Variants in COL20A1 observed in about 807,000 individuals in gnomAD.
COL20A1 encodes collagen alpha-1(XX) chain.
Under a neutral mutation model 152.9 loss-of-function variants are expected in COL20A1, and 164 were observed. The ratio of observed to expected loss-of-function variants is 1.07; its 90% CI spans 0.94 to 1.22. The LOEUF (loss-of-function observed/expected upper bound fraction) is 1.22. COL20A1 is among the 50% of genes most tolerant of loss of function. COL20A1 has a pLI of 0.00. For synonymous variants in COL20A1, 864 were observed against 756.0 expected, an observed-to-expected ratio of 1.14 and a Z score of -2.34; for missense variants, 1,873 against 1,744.8, an observed-to-expected ratio of 1.07 and a Z score of -1.31.
Position 63,308,661 on chromosome 20 carries a change from G to A in COL20A1, c.895G>A (p.Ala299Thr), listed in dbSNP as rs759620483. The part of the protein sequence containing the change: ...DGKSQDDVHT[A>T]ARVLKDLGVN... ...CAAGTCCCAGGACGATGTGCACACT[G>A]CTGCCCGTGTCCTCAAGGACCTGGG... is the stretch of plus-strand genomic sequence containing the variant. Residue 299 changes from alanine (A) to threonine (T), a missense_variant, in exon 8 of 36, where the codon GCT becomes ACT. Transcript: ENST00000358894. 1.7e-5 allele frequency: 28 copies of A among 1,607,522 alleles called. No individual in the cohort carries two copies. The highest frequency in any genetic ancestry group is 2.3e-5 in the Non-Finnish European group (27 of 1,177,592).
In COL20A1 at chr20:63,313,890, C is replaced by G; in HGVS notation, c.2357C>G (p.Ser786Cys). The G allele has an allele frequency of 6.2e-7, 1 of 1,600,180 alleles. No homozygotes were observed. The highest frequency in any genetic ancestry group is 8.5e-7 in the Non-Finnish European group (1 of 1,173,916). The change falls in exon 18 of 36, where the codon TCC becomes TGC. Residue 786 changes from serine to cysteine, a missense_variant and splice_region_variant. By Grantham distance (112) the Ser-to-Cys change is moderately radical. Transcript: ENST00000358894. This position sits in a 1 kb window ranked among gnomAD's most constrained non-coding sequence, Gnocchi z 5.9. The stretch of plus-strand genomic sequence containing the variant: ...GCCTCTGGCTTGGGACCCGAGAAAT[C>G]CGTGAGTCTTGGTAGAGCCTGAGGC... ...APASGLGPEK[S>C]VSVPGARSHV...
chr20:63,325,671 C>T lies in COL20A1; in HGVS notation c.3352C>T (p.His1118Tyr), dbSNP rs1167483038. 1.9e-6 allele frequency: 3 copies of T among 1,609,580 alleles called. No individual in the cohort carries two copies. The highest frequency in any genetic ancestry group is 2.2e-5 in the East Asian group (1 of 44,814). The change falls in exon 29 of 36, where the codon CAC becomes TAC. Residue 1118 changes from histidine to tyrosine, a missense_variant. His to Tyr is a moderately conservative substitution (Grantham distance 83). Transcript: ENST00000358894. ...CGGCCCCTCTGTTCTCTCCCAGGGC[C>T]ACCCCGGCCACCAGGGCATCCCCGG... ...GDHGLPGLQG[H>Y]PGHQGIPGRV...
chr20:63,321,225 A>T (rs966339186), intron 26 of COL20A1, 126 bp downstream of exon 26: 13 of 626,804 alleles, frequency 2.1e-5, no homozygotes, highest in African/African-American at 1.8e-4. Flanking sequence ...CAGAGTTGGG[A>T]TGTATTTCAT....
intron 31 of COL20A1, chr20:63,327,159 G>T: frequency 3.8e-6 from 1 of 265,776 alleles, no homozygotes; most frequent in Non-Finnish European, 7.1e-6. Flanking sequence ...ACTGCCCAGG[G>T]ACTTGTGTTT....
rs574848394 is a variant in COL20A1, at chr20:63,309,483, C to T, written c.1091C>T (p.Pro364Leu). 1.1e-4 allele frequency: 167 copies of T among 1,522,566 alleles called. 2 individuals carry two copies. The highest frequency in any genetic ancestry group is 9.6e-4 in the South Asian group (79 of 81,900). 94.3% of individuals were successfully genotyped at this position (1,522,566 alleles called of 1,614,324 possible). ...LICQRLQGGS[P>L]RQGPAAAPAL... Reference sequence around the variant, plus strand: ...TGCCAGAGGCTCCAGGGTGGGAGCCCGCGGCAGGGCCCAGGTGAGGGGCAG... The same window carrying T: ...TGCCAGAGGCTCCAGGGTGGGAGCCTGCGGCAGGGCCCAGGTGAGGGGCAG... Residue 364 changes from proline to leucine, a missense_variant, in exon 9 of 36, where the codon CCG becomes CTG. Physicochemically the swap from Pro to Leu is moderately conservative, Grantham distance 98 (BLOSUM62 -3). Coordinates refer to ENST00000358894, the MANE Select transcript of COL20A1 (RefSeq NM_020882.4).
At chr20:63,326,635 A>C in intron 30 of COL20A1, 117 bp from the exon 31 acceptor site, 1 of 632,970 alleles carries the variant, frequency 1.6e-6, no homozygotes, top group Non-Finnish European at 2.6e-6. Flanking sequence ...GGGGCCAGCC[A>C]GGCATCCACC....
Position 63,328,013 on chromosome 20 carries a change from C to T in COL20A1, c.3564+26C>T, listed in dbSNP as rs745380281. On this transcript the variant is annotated intron_variant, in intron 32 of 35. Coordinates refer to ENST00000358894, the MANE Select transcript of COL20A1 (RefSeq NM_020882.4). ...GTAAGTGAGGCTGAGATCTTTGGCT[C>T]ACTTGGGATCTCCTGGGAAGGCACC... 3.1e-6 allele frequency: 5 copies of T among 1,611,776 alleles called. No homozygotes were observed. The South Asian group carries it at 4.4e-5, about 14-fold the overall frequency.
rs1399135622 is a variant in COL20A1 at position 63,306,057 on chromosome 20, G to A, written c.496+18G>A. ...CACTCCTGGTGGGTCAGAGTGGAGA[G>A]AGAGTAAGTCTCCGGGGAGGGAGTG... is the stretch of plus-strand genomic sequence containing the variant. On this transcript the variant is annotated intron_variant, in intron 5 of 35. Transcript: ENST00000358894. The surrounding 1 kb of genome is among the most constrained non-coding windows in gnomAD (Gnocchi z 6.9). The A allele has an allele frequency of 3.2e-6, 5 of 1,580,392 alleles. No individual in the cohort carries two copies. The highest frequency in any genetic ancestry group is 3.4e-6 in the Non-Finnish European group (4 of 1,165,246).
chr20:63,327,868 A>C, intron 31 of COL20A1, 84 bp from the exon 32 acceptor site: 1 of 1,371,924 alleles, frequency 7.3e-7, no homozygotes, highest in Non-Finnish European at 1.0e-6. Context: ...CTGAGTGAGG[A>C]TCCACCTCAG....
chr20:63,309,696 G>A, intron 9 of COL20A1, 62 bp from the exon 10 acceptor site: 1 of 1,425,292 alleles, frequency 7.0e-7, no homozygotes, highest in Non-Finnish European at 9.4e-7. Context: ...GCCACCAGGG[G>A]GAGCGTGGAC....
intron 20 of COL20A1, among the ~76,000 whole-genome samples, chr20:63,315,939 C>T (rs976016187): frequency 6.6e-6 from 1 of 152,212 alleles, no homozygotes; most frequent in Non-Finnish European, 1.5e-5. Context: ...AATGGGATTT[C>T]GCCCTTCACT....
chr20:63,312,756 G>A (rs1884796250), intron 15 of COL20A1, 36 bp from the exon 16 acceptor site: 3 of 1,514,172 alleles, frequency 2.0e-6, no homozygotes, highest in South Asian at 2.5e-5. Context: ...CAGGCTCAGG[G>A]GCTACACCCC....
In COL20A1 at chr20:63,326,733, G is replaced by A; in HGVS notation, c.3457-19G>A. The A allele has an allele frequency of 7.0e-7, 1 of 1,425,018 alleles. No homozygotes were observed. The allele number at this position is 1,425,018 out of a possible 1,614,324, so 88.3% of individuals were successfully genotyped here. On this transcript the variant is annotated intron_variant, in intron 30 of 35. Transcript: ENST00000358894. ...TTGCTGGGGGCCCAAGCCAAACCCTGACTTCTGTGTCTATGCAGGGGTTCC... is the reference window on the plus strand; with the variant it reads ...TTGCTGGGGGCCCAAGCCAAACCCTAACTTCTGTGTCTATGCAGGGGTTCC...
intron 25 of COL20A1, 28 bp from the exon 26 acceptor site, chr20:63,320,985 C>G: frequency 6.6e-7 from 1 of 1,514,040 alleles, no homozygotes; most frequent in Non-Finnish European, 9.0e-7. Flanking sequence ...GAGGGTCTCT[C>G]TAATGGGCAG....
intron 34 of COL20A1, chr20:63,329,091 G>A (rs567274218): frequency 6.4e-5 from 11 of 172,812 alleles, no homozygotes; most frequent in Non-Finnish European, 8.7e-5. Flanking sequence ...TGCACTGGCC[G>A]GGGCAGCAGC....
rs1006619434 is a variant in COL20A1 at position 63,319,827 on chromosome 20, A to G, written c.2917-212A>G. 3.9e-5 allele frequency among the ~76,000 whole-genome samples: 6 copies of G among 152,250 alleles called. No individual in the cohort carries two copies. In the East Asian group the frequency reaches 1.2e-3, roughly 29 times the overall value. ...CCCACAGACCCCGGGAGGCTCCTGC[A>G]GCAGGTGCCATTTGGTCCATTTTAC... On this transcript the variant is annotated intron_variant, in intron 23 of 35. Transcript: ENST00000358894. This position sits in a 1 kb window ranked among gnomAD's most constrained non-coding sequence, Gnocchi z 4.4.
intron 30 of COL20A1, 82 bp from the exon 31 acceptor site, chr20:63,326,669 CT>C: frequency 1.0e-6 from 1 of 994,292 alleles, no homozygotes; most frequent in Non-Finnish European, 1.4e-6. Context: ...CAGGGGGCCC[CT>C]GGGACATCTG....
Position 63,305,505 on chromosome 20 carries a change from G to A in COL20A1, c.282G>A (p.Gln94=), listed in dbSNP as rs2067912911. Residue 94 remains glutamine (Q), a synonymous_variant, in exon 4 of 36, where the codon CAG becomes CAA. Coordinates refer to ENST00000358894, the MANE Select transcript of COL20A1 (RefSeq NM_020882.4). The surrounding 1 kb of genome is among the most constrained non-coding windows in gnomAD (Gnocchi z 4.9). ...GCCCCTCCAAGGGCTACACCTTGCA[G>A]ATCTTCGAGCTCACTGGCTCTGGGC... The part of the protein sequence containing the change: ...GLSPSKGYTL[Q]IFELTGSGRF... 1 of 1,608,030 alleles carries A rather than the reference G, an allele frequency of 6.2e-7. No individual in the cohort carries two copies. The highest frequency in any genetic ancestry group is 8.5e-7 in the Non-Finnish European group (1 of 1,177,746).
In COL20A1 at chr20:63,312,932, G is replaced by A. The variant is rs753715173; in HGVS notation, c.2074G>A (p.Glu692Lys). ...GCCCCTGGGAGAGGGGAAGGCTCAC[G>A]AGGTGGGCAGGGGTGGGTTTGTCCT... ...WTPLGEGKAH[E>K]ISVPGNLGTA... The change falls in exon 16 of 36, where the codon GAG becomes AAG. Residue 692 changes from glutamate (E) to lysine (K), a missense_variant and splice_region_variant. Transcript: ENST00000358894. 1.7e-5 allele frequency: 26 copies of A among 1,549,848 alleles called. No individual in the cohort carries two copies. In the Admixed American group the frequency reaches 3.9e-4, roughly 23 times the overall value.
Sources: allele counts gnomAD v4.1 joint callset (sites outside exome capture counted in the v4.1 genomes callset), GRCh38; gene constraint gnomAD v4.1.1; non-coding constraint Gnocchi (gnomAD v3.1); transcripts MANE v1.5; gene names NCBI Gene and HGNC (gene_info 2026-07-23, HGNC 2026-07-21).